RBFOX3: variants seen among roughly 807,000 people sequenced by gnomAD.
RBFOX3 encodes the protein RNA binding protein fox-1 homolog 3.
RBFOX3 carries 17 observed loss-of-function variants against 48.7 expected under a neutral mutation model. The ratio of observed to expected loss-of-function variants is 0.35; its 90% CI spans 0.24 to 0.52. RBFOX3 has a LOEUF of 0.52. RBFOX3 is among the 20% of genes least tolerant of loss of function. RBFOX3 has a pLI of 0.94. For missense variants in RBFOX3, 382 were observed against 497.5 expected, an observed-to-expected ratio of 0.77 and a Z score of 2.21; for synonymous variants, 212 against 209.5, an observed-to-expected ratio of 1.01 and a Z score of -0.10.
rs11658442 is a variant in RBFOX3, at chr17:79,363,311, G to A, written c.-174-55487C>T. On this transcript the variant is annotated intron_variant, in intron 2 of 14. Transcript: ENST00000693108. The surrounding 1 kb of genome is among the most constrained non-coding windows in gnomAD (Gnocchi z 4.7). ...AGGGGACTCTTTAAAGGGCAAATGCGCTGTGAATGGAGACTCTCTTGGCAA... is the reference window on the plus strand; with the variant it reads ...AGGGGACTCTTTAAAGGGCAAATGCACTGTGAATGGAGACTCTCTTGGCAA... 0.12 allele frequency among the ~76,000 whole-genome samples: 17,625 copies of A among 152,036 alleles called. 1,105 individuals are homozygous for A. Among genetic ancestry groups the A allele is most frequent in the African/African-American group, 0.14 (5,756 of 41,462 alleles).
the RBFOX3 span, among the ~76,000 whole-genome samples, chr17:79,658,069 C>T: frequency 2.2e-4 from 33 of 152,138 alleles, no homozygotes; most frequent in Non-Finnish European, 3.5e-4. Flanking sequence ...TTTCAGTGGC[C>T]CCAACACAAG....
intron 4 of RBFOX3, among the ~76,000 whole-genome samples, chr17:79,119,690 T>C (rs1046484676): frequency 3.3e-5 from 5 of 152,120 alleles, no homozygotes; most frequent in African/African-American, 1.2e-4. Flanking sequence ...ACAGAGGAAA[T>C]GCAGAATGAA....
intron 4 of RBFOX3, among the ~76,000 whole-genome samples, chr17:79,118,965 A>G (rs60425315): frequency 0.14 from 19,717 of 145,808 alleles, 1,472 homozygotes; most frequent in South Asian, 0.22. Context: ...GACAGAGGAA[A>G]CCCCTGTCTC....
chr17:79,620,768 C>A, the RBFOX3 span, among the ~76,000 whole-genome samples: 2 of 152,228 alleles, frequency 1.3e-5, no homozygotes, highest in African/African-American at 2.4e-5. Flanking sequence ...CCACATGATT[C>A]TCTGGGGGTT....
rs1473117850 is a variant in RBFOX3, at chr17:79,443,084, G to A, written c.-175+39370C>T. 3.9e-5 allele frequency among the ~76,000 whole-genome samples: 6 copies of A among 152,186 alleles called. No homozygotes were observed. The highest frequency in any genetic ancestry group is 1.9e-4 in the East Asian group (1 of 5,192). On this transcript the variant is annotated intron_variant, in intron 2 of 14. Coordinates refer to ENST00000693108, the MANE Select transcript of RBFOX3 (RefSeq NM_001350451.2). This position sits in a 1 kb window ranked among gnomAD's most constrained non-coding sequence, Gnocchi z 4.4. ...TCACAGGCCAAAGGTGCACATGGAC[G>A]AGACAGTGGTGGCCTCTGCCCCTGT...
chr17:79,140,589 A>G (rs566900509), intron 4 of RBFOX3, among the ~76,000 whole-genome samples: 15 of 152,376 alleles, frequency 9.8e-5, no homozygotes, highest in African/African-American at 3.6e-4. Context: ...AAGAGAGAGA[A>G]GGACAACCTA....
chr17:79,346,262 C>A (rs1221781963), intron 2 of RBFOX3, among the ~76,000 whole-genome samples: 3 of 152,170 alleles, frequency 2.0e-5, no homozygotes, highest in African/African-American at 7.2e-5. Context: ...CTTCATCCAC[C>A]TATGTCCATT....
intron 1 of RBFOX3, among the ~76,000 whole-genome samples, chr17:79,572,796 A>T (rs1318166528): frequency 3.9e-5 from 6 of 152,140 alleles, no homozygotes; most frequent in African/African-American, 1.4e-4. Flanking sequence ...GGCTCTGAGG[A>T]CCAGAATAAT....
chr17:79,221,492 C>A (rs1215808677), intron 4 of RBFOX3, among the ~76,000 whole-genome samples: 2 of 152,218 alleles, frequency 1.3e-5, no homozygotes, highest in Admixed American at 6.5e-5. Flanking sequence ...GGCCTCTTGT[C>A]CCCCTTGGGC....
Position 79,453,830 on chromosome 17 carries a change from G to A in RBFOX3, c.-175+28624C>T, listed in dbSNP as rs551709642. Among the ~76,000 whole-genome samples the A allele has an allele frequency of 5.3e-5, 8 of 152,236 alleles. No individual in the cohort carries two copies. In the East Asian group the frequency reaches 9.7e-4, roughly 18 times the overall value. ...CCCATGCAAAGCTGCAGCCTGACAC[G>A]CAGGCATGAGGGAGGCTCTCGAAAC... On this transcript the variant is annotated intron_variant, in intron 2 of 14. Transcript: ENST00000693108.
intron 3 of RBFOX3, among the ~76,000 whole-genome samples, chr17:79,261,623 C>T (rs2065793793): frequency 6.6e-6 from 1 of 152,224 alleles, no homozygotes; most frequent in Non-Finnish European, 1.5e-5. Context: ...GTGCATTTCT[C>T]ACAAGGTCCC....
chr17:79,522,332 A>T (rs1001319936), intron 1 of RBFOX3, among the ~76,000 whole-genome samples: 2,085 of 152,016 alleles, frequency 0.014, 25 homozygotes, highest in Non-Finnish European at 0.018. Flanking sequence ...ACCAGTCTCT[A>T]GAGATTCTCT....
intron 2 of RBFOX3, among the ~76,000 whole-genome samples, chr17:79,404,257 A>G (rs893696608): frequency 2.0e-5 from 3 of 152,200 alleles, no homozygotes; most frequent in African/African-American, 7.2e-5. Context: ...GGGCAGGGCC[A>G]CAGCGGTGGG....
chr17:79,611,130 T>TCTCTCTCTCTC (rs1491548376), upstream of RBFOX3, among the ~76,000 whole-genome samples: 2,026 of 37,802 alleles, frequency 0.054, 902 homozygotes, highest in Non-Finnish European at 0.059. Context: ...TCCGCCCTCC[T>TCTCTCTCTCTC]TCTCTCTCTC....
intron 2 of RBFOX3, among the ~76,000 whole-genome samples, chr17:79,410,413 C>A (rs578191468): frequency 6.6e-6 from 1 of 152,194 alleles, no homozygotes; most frequent in East Asian, 1.9e-4. Flanking sequence ...AAACACAAAC[C>A]GAGGTGCAGC....
intron 1 of RBFOX3, among the ~76,000 whole-genome samples, chr17:79,506,002 C>T (rs2083060312): frequency 1.3e-5 from 2 of 152,224 alleles, no homozygotes; most frequent in Admixed American, 6.5e-5. Flanking sequence ...GCCTGGACGC[C>T]TCCCCCTTCC....
intron 2 of RBFOX3, among the ~76,000 whole-genome samples, chr17:79,475,351 G>C (rs1188017844): frequency 1.3e-5 from 2 of 152,282 alleles, no homozygotes; most frequent in East Asian, 3.9e-4. Flanking sequence ...GCCAAGGGAT[G>C]GTTCTTTTCC....
At chr17:79,355,517 G>A (rs1204725894) in intron 2 of RBFOX3, among the ~76,000 whole-genome samples, 1 of 152,064 alleles carries the variant, frequency 6.6e-6, no homozygotes, top group African/African-American at 2.4e-5. Context: ...ACCTGCTCCT[G>A]AACCCCTGAG....
At chr17:79,100,623 G>A (rs573643831) in intron 9 of RBFOX3, among the ~76,000 whole-genome samples, 37 of 152,294 alleles carry the variant, frequency 2.4e-4, no homozygotes, top group Middle Eastern at 3.4e-3. Context: ...GGGTGACACC[G>A]TCTGAAAGTC....
Sources: allele counts gnomAD v4.1 joint callset (sites outside exome capture counted in the v4.1 genomes callset), GRCh38; gene constraint gnomAD v4.1.1; non-coding constraint Gnocchi (gnomAD v3.1); transcripts MANE v1.5; gene names NCBI Gene and HGNC (gene_info 2026-07-23, HGNC 2026-07-21).